GPC6: variants seen among roughly 807,000 people sequenced by gnomAD.
GPC6 encodes glypican 6, also known as glypican-6.
GPC6 carries 14 observed loss-of-function variants against 55.2 expected under a neutral mutation model. The ratio of observed to expected loss-of-function variants is 0.25; its 90% CI spans 0.17 to 0.40. The LOEUF is 0.40. GPC6 is among the 10% of genes least tolerant of loss of function. The probability of loss-of-function intolerance (pLI) is 1.00; values close to 1 mark genes in which losing one functional copy is unlikely to be tolerated. For missense variants in GPC6, 641 were observed against 708.5 expected (o/e 0.90, Z 1.08); for synonymous variants, 278 against 259.6 (o/e 1.07, Z -0.68).
At chr13:93,256,546 C>T (rs1339761858) in intron 1 of GPC6, among the ~76,000 whole-genome samples, 1 of 152,090 alleles carries the variant, frequency 6.6e-6, no homozygotes, top group Non-Finnish European at 1.5e-5. Flanking sequence ...CCTGGCATAG[C>T]CCTCAGTGCC....
At chr13:94,179,573 AG>A (rs1485397430) in intron 4 of GPC6, among the ~76,000 whole-genome samples, 4 of 152,164 alleles carry the variant, frequency 2.6e-5, no homozygotes, top group Non-Finnish European at 5.9e-5. Flanking sequence ...GATCTCCAAA[AG>A]TTAAAAAAAA....
At chr13:93,548,303 A>G (rs1210592153) in intron 2 of GPC6, among the ~76,000 whole-genome samples, 1 of 151,966 alleles carries the variant, frequency 6.6e-6, no homozygotes, top group African/African-American at 2.4e-5. Flanking sequence ...TTTATGAAAA[A>G]CCACTGCTTA....
chr13:93,231,641 A>AT lies in GPC6; in HGVS notation c.160+4026dup, dbSNP rs1876069324. Among the ~76,000 whole-genome samples the AT allele has an allele frequency of 2.0e-5, 3 of 151,888 alleles. 1 individual carries two copies. In the South Asian group the frequency reaches 6.2e-4, roughly 32 times the overall value. ...TTTTCTGAACGTTTTCTGGCAAGAT[A>AT]TAGTTACATAAAACACAGAAACTAA... On this transcript the variant is annotated intron_variant, in intron 1 of 8. Coordinates refer to ENST00000377047, the MANE Select transcript of GPC6 (RefSeq NM_005708.5).
chr13:94,213,741 G>A (rs904473402), intron 4 of GPC6, among the ~76,000 whole-genome samples: 5 of 152,122 alleles, frequency 3.3e-5, no homozygotes, highest in Non-Finnish European at 5.9e-5. Context: ...TTTGGAATTG[G>A]ATGACATCAC....
rs369284094 is a variant in GPC6, at chr13:94,390,748, G to A, written c.1290-7718G>A. Among the ~76,000 whole-genome samples the A allele has an allele frequency of 2.0e-5, 3 of 152,138 alleles. No homozygotes were observed. The East Asian group carries it at 5.8e-4, about 29-fold the overall frequency. On this transcript the variant is annotated intron_variant, in intron 7 of 8. Coordinates refer to ENST00000377047, the MANE Select transcript of GPC6 (RefSeq NM_005708.5). ...TCAGTGGGAATTCTGTCTTAGGAAA[G>A]AACTGGCTACTGTCAAGCCAGGTGT...
At position 93,316,968 on chromosome 13, in the gene GPC6, A is replaced by G. The variant is rs570540025; in HGVS notation, c.160+89352A>G. ...CTGATCTGCATTTGAGGAGCAAGCT[A>G]TGTTAGCACTGTGAGCCATTCTCAT... On this transcript the variant is annotated intron_variant, in intron 1 of 8. Coordinates refer to ENST00000377047, the MANE Select transcript of GPC6 (RefSeq NM_005708.5). Among the ~76,000 whole-genome samples, 4 of 152,228 alleles carry G rather than the reference A, an allele frequency of 2.6e-5. No individual in the cohort carries two copies. The South Asian group carries it at 6.2e-4, about 24-fold the overall frequency.
At chr13:93,718,223 A>G (rs1186687088) in intron 2 of GPC6, among the ~76,000 whole-genome samples, 1 of 151,926 alleles carries the variant, frequency 6.6e-6, no homozygotes, top group African/African-American at 2.4e-5. Context: ...TTACACTCCC[A>G]CCATTAGTGT....
At chr13:93,655,428 A>G (rs1880619821) in intron 2 of GPC6, among the ~76,000 whole-genome samples, 1 of 152,162 alleles carries the variant, frequency 6.6e-6, no homozygotes, top group Non-Finnish European at 1.5e-5. Context: ...GTCTCCAAAT[A>G]CCAAATGCCA....
At chr13:93,443,702 GTGTTTCTGGGACTGTTA>G (rs1056165648) in intron 1 of GPC6, among the ~76,000 whole-genome samples, 10 of 152,196 alleles carry the variant, frequency 6.6e-5, no homozygotes, top group Admixed American at 2.0e-4. Context: ...CAAATAATTG[GTGTTTCTGGGACTGTTA>G]TGTAAGGTGT....
intron 3 of GPC6, among the ~76,000 whole-genome samples, chr13:94,001,255 T>C (rs904470891): frequency 1.3e-5 from 2 of 152,196 alleles, no homozygotes; most frequent in Non-Finnish European, 2.9e-5. Context: ...ATGTAAAATA[T>C]TTATCAGACG....
intron 2 of GPC6, among the ~76,000 whole-genome samples, chr13:93,616,668 T>C (rs1025084531): frequency 6.6e-6 from 1 of 152,066 alleles, no homozygotes; most frequent in African/African-American, 2.4e-5. Context: ...CCATCCTAAA[T>C]AATATATCAG....
intron 2 of GPC6, among the ~76,000 whole-genome samples, chr13:93,615,257 T>A (rs1236760321): frequency 6.6e-6 from 1 of 152,186 alleles, no homozygotes; most frequent in African/African-American, 2.4e-5. Flanking sequence ...ATAACAATTA[T>A]ATGAATTATC....
intron 1 of GPC6, among the ~76,000 whole-genome samples, chr13:93,303,396 C>G (rs184894610): frequency 2.0e-5 from 3 of 152,246 alleles, no homozygotes; most frequent in Non-Finnish European, 2.9e-5. Flanking sequence ...ATCTTTAGGA[C>G]AGTAGCTGAC....
At chr13:93,363,623 A>C (rs868252868) in intron 1 of GPC6, among the ~76,000 whole-genome samples, 2 of 151,964 alleles carry the variant, frequency 1.3e-5, no homozygotes, top group South Asian at 2.1e-4. Flanking sequence ...ATAGCAGCAC[A>C]ATTTATAGTC....
At chr13:93,527,682 T>C (rs1881708585) in intron 1 of GPC6, among the ~76,000 whole-genome samples, 1 of 152,126 alleles carries the variant, frequency 6.6e-6, no homozygotes, top group African/African-American at 2.4e-5. Flanking sequence ...GAAAAAGTGA[T>C]GCCAGGGGAA....
chr13:93,660,249 C>T (rs955554056), intron 2 of GPC6, among the ~76,000 whole-genome samples: 5 of 152,068 alleles, frequency 3.3e-5, no homozygotes, highest in African/African-American at 1.2e-4. Flanking sequence ...TTTTGAATTA[C>T]TTATGAACCA....
chr13:93,765,203 A>G (rs2138882782), intron 2 of GPC6, among the ~76,000 whole-genome samples: 1 of 43,784 alleles, frequency 2.3e-5, no homozygotes, highest in South Asian at 5.7e-4. Flanking sequence ...TAGACCATAG[A>G]CCATTATCTT....
chr13:93,511,611 T>C (rs1403884693), intron 1 of GPC6, among the ~76,000 whole-genome samples: 4 of 152,120 alleles, frequency 2.6e-5, no homozygotes, highest in Non-Finnish European at 5.9e-5. Flanking sequence ...TGTAATGGAA[T>C]ACTTCCAGCT....
intron 3 of GPC6, among the ~76,000 whole-genome samples, chr13:93,918,841 G>T (rs1235111732): frequency 6.6e-6 from 1 of 152,110 alleles, no homozygotes; most frequent in South Asian, 2.1e-4. Flanking sequence ...CCAAGTTATG[G>T]TCCATTTCCC....
Sources: allele counts gnomAD v4.1 joint callset (sites outside exome capture counted in the v4.1 genomes callset), GRCh38; gene constraint gnomAD v4.1.1; transcripts MANE v1.5; gene names NCBI Gene and HGNC (gene_info 2026-07-23, HGNC 2026-07-21).